Variants in ERG observed in about 807,000 individuals in gnomAD.
The protein encoded by ERG is ETS transcription factor ERG.
ERG carries 9 observed loss-of-function variants against 55.3 expected under a neutral mutation model. That is an observed-to-expected ratio of 0.16 (90% CI 0.10 to 0.28). The LOEUF (loss-of-function observed/expected upper bound fraction) is 0.28, where lower values mean the gene tolerates loss of function less well. Among genes scored for constraint, ERG ranks in the 10% least tolerant of loss-of-function variants. ERG has a pLI of 1.00. For missense variants in ERG, 434 were observed against 631.6 expected (o/e 0.69, Z 3.35); for synonymous variants, 223 against 237.3 (o/e 0.94, Z 0.55).
At chr21:38,552,096 C>T (rs2059827984) in intron 2 of ERG, among the ~76,000 whole-genome samples, 2 of 152,018 alleles carry the variant, frequency 1.3e-5, no homozygotes, top group South Asian at 4.2e-4. Context: ...TTATATAATG[C>T]CCTTCTTTGT....
At chr21:38,576,171 T>A (rs144165583) in intron 1 of ERG, among the ~76,000 whole-genome samples, 1 of 152,366 alleles carries the variant, frequency 6.6e-6, no homozygotes, top group African/African-American at 2.4e-5. Flanking sequence ...CACATCCTTT[T>A]CAGCTTTGTT....
chr21:38,647,592 T>C (rs533851575), intron 1 of ERG, among the ~76,000 whole-genome samples: 1 of 152,230 alleles, frequency 6.6e-6, no homozygotes, highest in Non-Finnish European at 1.5e-5. Context: ...AGGAGGTTGG[T>C]CATGAAAAAA....
chr21:38,451,024 C>A (rs2058936686), intron 1 of ERG: 1 of 431,564 alleles, frequency 2.3e-6, no homozygotes, highest in Non-Finnish European at 4.6e-6. Flanking sequence ...TGGCCACTAC[C>A]TGGCTGTTAC....
At chr21:38,584,507 G>A (rs745573479) in intron 1 of ERG, among the ~76,000 whole-genome samples, 5 of 152,172 alleles carry the variant, frequency 3.3e-5, no homozygotes, top group Non-Finnish European at 5.9e-5. Flanking sequence ...CTAGCTTCTG[G>A]TTCCTCTGGA....
intron 1 of ERG, among the ~76,000 whole-genome samples, chr21:38,475,332 A>G (rs2059177435): frequency 6.6e-6 from 1 of 152,166 alleles, no homozygotes; most frequent in Admixed American, 6.5e-5. Context: ...CGCTCATTTT[A>G]GTAGCAACCC....
At position 38,455,094 on chromosome 21, in the gene ERG, T is replaced by TTTTCTTTC. The variant is rs1250651080; in HGVS notation, c.19-9481_19-9474dup. On this transcript the variant is annotated intron_variant, in intron 1 of 9. Transcript: ENST00000288319. ...CCATGGTCTTATAACATAATGTTCT[T>TTTTCTTTC]TTTCTTTCTTTCTTTCTTTCTTTCT... 5.5e-5 allele frequency among the ~76,000 whole-genome samples: 8 copies of TTTTCTTTC among 144,946 alleles called. No homozygotes were observed. In the East Asian group the frequency reaches 1.6e-3, roughly 30 times the overall value.
At chr21:38,373,899 A>G in the ERG span, among the ~76,000 whole-genome samples, 8 of 152,220 alleles carry the variant, frequency 5.3e-5, no homozygotes, top group Admixed American at 1.3e-4. Context: ...AAGCACATGA[A>G]AAATGTATAT....
intron 4 of ERG, among the ~76,000 whole-genome samples, chr21:38,402,975 C>T (rs1988578657): frequency 1.3e-5 from 2 of 152,182 alleles, no homozygotes; most frequent in Non-Finnish European, 2.9e-5. Context: ...TTAAAGCATG[C>T]AGCAAACATT....
At chr21:38,492,613 G>A (rs1420993200) in intron 1 of ERG, among the ~76,000 whole-genome samples, 1 of 152,142 alleles carries the variant, frequency 6.6e-6, no homozygotes, top group African/African-American at 2.4e-5. Flanking sequence ...CAGCTTCTGC[G>A]ATATCAGTGG....
chr21:38,654,083 G>A lies in ERG; in HGVS notation c.-150+7575C>T, dbSNP rs180938271. Among the ~76,000 whole-genome samples the A allele has an allele frequency of 8.5e-5, 13 of 152,308 alleles. No individual in the cohort carries two copies. The East Asian group carries it at 1.9e-3, about 23-fold the overall frequency. On this transcript the variant is annotated intron_variant, in intron 1 of 10. Transcript: ENST00000398910. ...AGAAACTGCCCTTGTGGGACATTCT[G>A]TCTAATCACTTATATTTACAAGCCT...
intron 2 of ERG, among the ~76,000 whole-genome samples, chr21:38,540,819 T>C: frequency 6.6e-6 from 1 of 152,152 alleles, no homozygotes; most frequent in East Asian, 1.9e-4. Flanking sequence ...AACCCCAAGC[T>C]CAAAGTATAT....
intron 2 of ERG, among the ~76,000 whole-genome samples, chr21:38,547,524 G>C (rs989857862): frequency 3.3e-5 from 5 of 152,228 alleles, no homozygotes; most frequent in Admixed American, 1.3e-4. Context: ...AGCAAGGAAA[G>C]GAAAAGATGA....
intron 2 of ERG, among the ~76,000 whole-genome samples, chr21:38,544,015 C>T (rs1200954564): frequency 1.3e-5 from 2 of 152,154 alleles, no homozygotes; most frequent in African/African-American, 4.8e-5. Context: ...GCTGGGACTA[C>T]AGCAATGAGC....
chr21:38,650,855 T>C (rs2060484641), intron 1 of ERG, among the ~76,000 whole-genome samples: 1 of 152,238 alleles, frequency 6.6e-6, no homozygotes, highest in African/African-American at 2.4e-5. Context: ...ATAGTGTGAA[T>C]ATGTCCTTGT....
At chr21:38,447,808 G>T (rs542270117) in intron 1 of ERG, among the ~76,000 whole-genome samples, 1 of 152,020 alleles carries the variant, frequency 6.6e-6, no homozygotes, top group Non-Finnish European at 1.5e-5. Flanking sequence ...CCTGAGACTC[G>T]ACCAAGGCTC....
At chr21:38,415,467 T>C (rs1029425309) in intron 3 of ERG, among the ~76,000 whole-genome samples, 15 of 152,208 alleles carry the variant, frequency 9.9e-5, no homozygotes, top group Non-Finnish European at 2.2e-4. Flanking sequence ...ATACACATAA[T>C]AAACTTTGAT....
upstream of ERG, chr21:38,661,735 C>T (rs1197318340): frequency 6.6e-6 from 1 of 152,062 alleles, no homozygotes; most frequent in Non-Finnish European, 1.5e-5. Context: ...GAACCTGTCC[C>T]GCAGCGATCT....
chr21:38,620,212 C>G lies in ERG; in HGVS notation c.-149-35267G>C, dbSNP rs73442430. ...GTCTTCTGCTGTTTGGCTCTTTGTT[C>G]TGATCTGGTTTGATATGGCTGGTGT... On this transcript the variant is annotated intron_variant, in intron 1 of 10. Transcript: ENST00000398910. Among the ~76,000 whole-genome samples, 486 of 152,290 alleles carry G rather than the reference C, an allele frequency of 3.2e-3. 5 individuals are homozygous for G. Among genetic ancestry groups the G allele is most frequent in the African/African-American group, 0.011 (450 of 41,556 alleles).
chr21:38,598,070 C>A (rs1436148440), intron 1 of ERG, among the ~76,000 whole-genome samples: 1 of 152,172 alleles, frequency 6.6e-6, no homozygotes, highest in African/African-American at 2.4e-5. Flanking sequence ...TTAAGGAAAG[C>A]CCTGATCTTG....
Sources: allele counts gnomAD v4.1 joint callset (sites outside exome capture counted in the v4.1 genomes callset), GRCh38; gene constraint gnomAD v4.1.1; transcripts MANE v1.5; gene names NCBI Gene and HGNC (gene_info 2026-07-23, HGNC 2026-07-21).